Variants in DPYD observed in about 807,000 individuals in gnomAD.
The protein encoded by DPYD is dihydropyrimidine dehydrogenase [NADP(+)].
In DPYD, 109 loss-of-function variants were observed where a neutral mutation model predicts 116.2. The ratio of observed to expected loss-of-function variants is 0.94; its 90% CI spans 0.80 to 1.10. The LOEUF (loss-of-function observed/expected upper bound fraction) is 1.10. Ranked by LOEUF, DPYD falls within the 50% of genes least tolerant of loss-of-function variation. The probability of loss-of-function intolerance (pLI) is 0.00; values close to 1 mark genes in which losing one functional copy is unlikely to be tolerated. For missense variants in DPYD, 1,302 were observed against 1,254.5 expected (o/e 1.04, Z -0.57); for synonymous variants, 440 against 432.0 (o/e 1.02, Z -0.23).
At chr1:97,337,908 T>A (rs767988244) in intron 16 of DPYD, among the ~76,000 whole-genome samples, 5 of 152,126 alleles carry the variant, frequency 3.3e-5, no homozygotes, top group Non-Finnish European at 7.4e-5. Flanking sequence ...CACAAAGAAC[T>A]TGCTTTATTT....
rs1000071732 is a variant in DPYD at position 97,268,850 on chromosome 1, A to T, written c.2300-33856T>A. Reference sequence around the variant, plus strand: ...TAAAACCTGGATTTCTTCTATCCATATTAATCTCTTTAGCAAACAGTCGCT... The same window carrying T: ...TAAAACCTGGATTTCTTCTATCCATTTTAATCTCTTTAGCAAACAGTCGCT... On this transcript the variant is annotated intron_variant, in intron 18 of 22. Coordinates refer to ENST00000370192, the MANE Select transcript of DPYD (RefSeq NM_000110.4). 3.9e-5 allele frequency among the ~76,000 whole-genome samples: 6 copies of T among 152,298 alleles called. No individual in the cohort carries two copies. The South Asian group carries it at 1.0e-3, about 26-fold the overall frequency.
At chr1:97,174,440 T>G (rs72965876) in intron 20 of DPYD, among the ~76,000 whole-genome samples, 4,291 of 151,404 alleles carry the variant, frequency 0.028, 170 homozygotes, top group African/African-American at 0.091. Flanking sequence ...CCAGCCTCCC[T>G]GATGTGAAAG....
At chr1:97,524,488 T>C (rs896789082) in intron 12 of DPYD, among the ~76,000 whole-genome samples, 2 of 152,158 alleles carry the variant, frequency 1.3e-5, no homozygotes, top group Non-Finnish European at 2.9e-5. Context: ...TGTGGTAAAG[T>C]GTAGAACAAC....
chr1:97,772,291 A>T (rs948183643), intron 3 of DPYD, among the ~76,000 whole-genome samples: 14 of 152,188 alleles, frequency 9.2e-5, no homozygotes, highest in African/African-American at 3.1e-4. Flanking sequence ...ACAGCAGGGG[A>T]TGAGTCAAAT....
intron 1 of DPYD, among the ~76,000 whole-genome samples, chr1:97,897,537 C>G (rs1673143211): frequency 6.6e-6 from 1 of 151,902 alleles, no homozygotes; most frequent in Non-Finnish European, 1.5e-5. Flanking sequence ...TGTTCCACAG[C>G]TCACTGATAG....
intron 20 of DPYD, among the ~76,000 whole-genome samples, chr1:97,106,578 G>A (rs898361399): frequency 5.3e-5 from 8 of 152,026 alleles, no homozygotes; most frequent in African/African-American, 1.9e-4. Context: ...TGGACTGTAG[G>A]CCTTATAGCA....
intron 19 of DPYD, among the ~76,000 whole-genome samples, chr1:97,216,234 C>T (rs1045619655): frequency 3.9e-5 from 6 of 152,054 alleles, no homozygotes; most frequent in African/African-American, 1.4e-4. Context: ...AACTTTGATG[C>T]CATAAACCAC....
intron 20 of DPYD, among the ~76,000 whole-genome samples, chr1:97,157,945 C>A (rs1655598962): frequency 6.6e-6 from 1 of 152,060 alleles, no homozygotes; most frequent in Non-Finnish European, 1.5e-5. Context: ...TGAATAGGTA[C>A]TTCTATAATA....
chr1:97,397,668 G>A (rs151026335), intron 14 of DPYD, among the ~76,000 whole-genome samples: 10 of 152,084 alleles, frequency 6.6e-5, no homozygotes, highest in African/African-American at 1.7e-4. Context: ...ATGCATTCAA[G>A]CTTCCTCCAT....
intron 18 of DPYD, among the ~76,000 whole-genome samples, chr1:97,289,890 G>A (rs1304392970): frequency 2.0e-5 from 3 of 151,692 alleles, no homozygotes; most frequent in Admixed American, 1.3e-4. Flanking sequence ...AAAAGAGGAA[G>A]TCAAATTGTC....
chr1:97,798,257 T>C (rs1223399394), intron 3 of DPYD, among the ~76,000 whole-genome samples: 1 of 152,072 alleles, frequency 6.6e-6, no homozygotes, highest in Non-Finnish European at 1.5e-5. Context: ...TATGTCTGGA[T>C]AGTCTCTCTG....
chr1:97,200,246 T>C (rs891681341), intron 19 of DPYD, among the ~76,000 whole-genome samples: 17 of 152,196 alleles, frequency 1.1e-4, no homozygotes, highest in African/African-American at 4.1e-4. Flanking sequence ...GTGGATAAAC[T>C]ACACTTCAGG....
At chr1:97,362,534 A>G (rs529450935) in intron 16 of DPYD, among the ~76,000 whole-genome samples, 236 of 152,272 alleles carry the variant, frequency 1.5e-3, no homozygotes, top group African/African-American at 5.5e-3. Flanking sequence ...GAGGCATCAC[A>G]CTACCTGACT....
At chr1:97,092,375 C>T (rs778057408) in intron 21 of DPYD, among the ~76,000 whole-genome samples, 14 of 152,108 alleles carry the variant, frequency 9.2e-5, no homozygotes, top group African/African-American at 2.9e-4. Context: ...ATTGCATATG[C>T]GAGACAAAAT....
At chr1:97,585,899 A>C (rs1654059888) in intron 10 of DPYD, 1 of 162,330 alleles carries the variant, frequency 6.2e-6, no homozygotes, top group South Asian at 1.8e-4. Flanking sequence ...TGACAGCAAG[A>C]AAGAACCATA....
In DPYD at chr1:97,078,906, G is replaced by C; in HGVS notation, c.*70C>G. The C allele has an allele frequency of 1.3e-6, 2 of 1,529,416 alleles. No individual in the cohort carries two copies. Among genetic ancestry groups the C allele is most frequent in the South Asian group, 2.2e-5 (2 of 89,250 alleles). The allele number at this position is 1,529,416 out of a possible 1,614,324, so 94.7% of individuals were successfully genotyped here. On this transcript the variant is annotated 3_prime_UTR_variant, in exon 23 of 23. Coordinates refer to ENST00000370192, the MANE Select transcript of DPYD (RefSeq NM_000110.4). ...TAATTTGGAAAGAGCTGAACACAAG[G>C]ATCATGATTTTAAAAGATCAGCATA...
intron 12 of DPYD, among the ~76,000 whole-genome samples, chr1:97,530,879 T>C (rs541630790): frequency 6.6e-6 from 1 of 152,286 alleles, no homozygotes; most frequent in African/African-American, 2.4e-5. Context: ...GTGATAAGCA[T>C]TTTTTCATGT....
At chr1:97,467,284 T>A (rs1262202187) in intron 13 of DPYD, among the ~76,000 whole-genome samples, 1 of 152,118 alleles carries the variant, frequency 6.6e-6, no homozygotes, top group Non-Finnish European at 1.5e-5. Context: ...CTAGAGAAAG[T>A]CAAACCCAAG....
chr1:97,723,616 T>G (rs1343903791), intron 4 of DPYD, among the ~76,000 whole-genome samples: 1 of 151,644 alleles, frequency 6.6e-6, no homozygotes, highest in Non-Finnish European at 1.5e-5. Flanking sequence ...GCTTAATAAG[T>G]TAAAAGTCTG....
Sources: gnomAD v4.1 joint callset for allele counts (sites outside exome capture counted in the v4.1 genomes callset) on GRCh38, gnomAD v4.1.1 for gene constraint, MANE v1.5 for transcripts, NCBI Gene and HGNC (gene_info 2026-07-23, HGNC 2026-07-21) for gene names.